The following SH3PXD2B variants were observed in gnomAD, a reference collection of about 807,000 sequenced individuals.
SH3PXD2B encodes SH3 and PX domain-containing protein 2B.
A neutral mutation model predicts 73.1 loss-of-function variants in SH3PXD2B; 37 were observed. The ratio of observed to expected loss-of-function variants is 0.51; its 90% CI spans 0.39 to 0.67. SH3PXD2B has a LOEUF of 0.67. Among genes scored for constraint, SH3PXD2B ranks in the 30% least tolerant of loss-of-function variants. SH3PXD2B has a pLI of 0.00. For missense variants in SH3PXD2B, 1,053 were observed against 1,197.8 expected (o/e 0.88, Z 1.78); for synonymous variants, 457 against 480.5 (o/e 0.95, Z 0.64).
intron 2 of SH3PXD2B, among the ~76,000 whole-genome samples, chr5:172,418,883 G>C (rs779796856): frequency 1.3e-5 from 2 of 152,106 alleles, no homozygotes; most frequent in South Asian, 4.2e-4. Flanking sequence ...AAGTTGAGTC[G>C]GAACAGGAGA....
rs1165437532 is a variant in SH3PXD2B, at chr5:172,398,280, TC to T, written c.233-3642del. On this transcript the variant is annotated intron_variant, in intron 3 of 12. Transcript: ENST00000311601. ...TTATTGATCTTAAAGATTGTTTTTT[TC>T]ATATTCCTTTACATAAATTGGATTG... Among the ~76,000 whole-genome samples the T allele has an allele frequency of 7.2e-5, 11 of 152,386 alleles. No individual in the cohort carries two copies. In the East Asian group the frequency reaches 2.1e-3, roughly 29 times the overall value.
chr5:172,444,126 C>T (rs551871805), intron 1 of SH3PXD2B, among the ~76,000 whole-genome samples: 1 of 152,290 alleles, frequency 6.6e-6, no homozygotes, highest in South Asian at 2.1e-4. Context: ...GTGGGACCGT[C>T]GATCTTAATA....
downstream of SH3PXD2B, among the ~76,000 whole-genome samples, chr5:172,332,595 T>C (rs1471854742): frequency 8.0e-6 from 1 of 125,054 alleles, no homozygotes. Context: ...CAGATTAATA[T>C]ATTAATGACC....
chr5:172,348,414 A>G (rs1757042944), intron 10 of SH3PXD2B, among the ~76,000 whole-genome samples: 1 of 151,748 alleles, frequency 6.6e-6, no homozygotes, highest in South Asian at 2.1e-4. Flanking sequence ...ACTAGTAGTG[A>G]GCCGTTCTGG....
chr5:172,389,202 C>T (rs1447237217), intron 4 of SH3PXD2B, among the ~76,000 whole-genome samples: 1 of 151,638 alleles, frequency 6.6e-6, no homozygotes, highest in Non-Finnish European at 1.5e-5. Context: ...ATTACAGGTG[C>T]CGACCACCAC....
At chr5:172,359,387 C>CAAAAAAAAAAAAAAAAAAAAAAA (rs70982393) in intron 7 of SH3PXD2B, among the ~76,000 whole-genome samples, 2 of 84,080 alleles carry the variant, frequency 2.4e-5, no homozygotes, top group African/African-American at 9.6e-5. Context: ...ACCCCCATCT[C>CAAAAAAAAAAAAAAAAAAAAAAA]AAAAAAAAAA....
chr5:172,437,252 C>T (rs1340707047), intron 1 of SH3PXD2B, among the ~76,000 whole-genome samples: 2 of 152,170 alleles, frequency 1.3e-5, no homozygotes, highest in African/African-American at 4.8e-5. Flanking sequence ...TGCCACGCTT[C>T]GTGGAGACCC....
Position 172,335,125 on chromosome 5 carries a change from GGT to G in SH3PXD2B, c.*3242_*3243del, listed in dbSNP as rs1756656932. On this transcript the variant is annotated 3_prime_UTR_variant, in exon 13 of 13. Transcript: ENST00000311601. ...TGAGCAAAGGCCTCTTTTATCAAGAGGTGGTCTTAGACTCAGGGTTTTCCAAA... is the reference window on the plus strand; with the variant it reads ...TGAGCAAAGGCCTCTTTTATCAAGAGGGTCTTAGACTCAGGGTTTTCCAAA... 1 of 986,762 alleles carries G rather than the reference GGT, an allele frequency of 1.0e-6. No homozygotes were observed. The highest frequency in any genetic ancestry group is 1.2e-6 in the Non-Finnish European group (1 of 831,018). 61.1% of individuals were successfully genotyped at this position (986,762 alleles called of 1,614,324 possible).
At chr5:172,357,423 C>CA (rs1046224679) in intron 8 of SH3PXD2B, among the ~76,000 whole-genome samples, 2,407 of 127,766 alleles carry the variant, frequency 0.019, 54 homozygotes, top group African/African-American at 0.059. Context: ...GACTCTGTCT[C>CA]AAAAAAAAAA....
intron 1 of SH3PXD2B, among the ~76,000 whole-genome samples, chr5:172,446,737 G>C (rs915653514): frequency 2.4e-4 from 37 of 152,222 alleles, no homozygotes; most frequent in Non-Finnish European, 4.9e-4. Flanking sequence ...CTGGTGCCCT[G>C]TGACCTTAGG....
rs1756804256 is a variant in SH3PXD2B, at chr5:172,339,663, C to T, written c.1442G>A (p.Gly481Glu). The part of the protein sequence containing the change: ...PDAPHGVMDS[G>E]LPWSKDWKGS... ...CTTCCAGTCTTTAGACCATGGCAAC[C>T]CCGAGTCCATGACACCATGCGGTGC... The change falls in exon 13 of 13, where the codon GGG becomes GAG. Residue 481 changes from glycine (G) to glutamate (E), a missense_variant. Physicochemically the swap from Gly to Glu is moderately conservative, Grantham distance 98. Transcript: ENST00000311601. The surrounding 1 kb of genome is among the most constrained non-coding windows in gnomAD (Gnocchi z 6.1). 4.3e-6 allele frequency: 7 copies of T among 1,614,234 alleles called. No homozygotes were observed. Among genetic ancestry groups the T allele is most frequent in the Non-Finnish European group, 5.9e-6 (7 of 1,180,046 alleles).
chr5:172,328,671 T>A (rs1756491022), downstream of SH3PXD2B, among the ~76,000 whole-genome samples: 1 of 152,084 alleles, frequency 6.6e-6, no homozygotes, highest in Non-Finnish European at 1.5e-5. Context: ...TCATGGTGTC[T>A]CAAGCTTGAA....
At chr5:172,439,681 C>T (rs112300779) in intron 1 of SH3PXD2B, among the ~76,000 whole-genome samples, 29 of 92,134 alleles carry the variant, frequency 3.1e-4, no homozygotes, top group East Asian at 1.6e-3. Context: ...CGTGCGTGCG[C>T]GCACGCGCGC....
At position 172,433,615 on chromosome 5, in the gene SH3PXD2B, C is replaced by T. The variant is rs370720002; in HGVS notation, c.76-11119G>A. ...AGCCCCTGCCGGGTGCCAGCCCAGC[C>T]GATGGCACAGGGATGCCCAGAGTGG... On this transcript the variant is annotated intron_variant, in intron 1 of 12. Transcript: ENST00000311601. Among the ~76,000 whole-genome samples the T allele has an allele frequency of 4.5e-4, 69 of 152,240 alleles. No individual in the cohort carries two copies. The East Asian group carries it at 7.9e-3, about 17-fold the overall frequency.
chr5:172,390,661 A>G (rs773376535), intron 4 of SH3PXD2B, among the ~76,000 whole-genome samples: 21 of 152,208 alleles, frequency 1.4e-4, no homozygotes, highest in Non-Finnish European at 2.2e-4. Context: ...GTTGTTGGCT[A>G]TTATGAATTA....
chr5:172,348,711 T>TATCCTATCTATCTATCTATCTATC, intron 10 of SH3PXD2B, among the ~76,000 whole-genome samples: 1 of 37,006 alleles, frequency 2.7e-5, no homozygotes, highest in African/African-American at 5.9e-5. Flanking sequence ...ATCTATCTAT[T>TATCCTATCTATCTATCTATCTATC]TATTTATTTT....
intron 8 of SH3PXD2B, among the ~76,000 whole-genome samples, chr5:172,358,514 C>G (rs1202584936): frequency 6.6e-6 from 1 of 152,150 alleles, no homozygotes; most frequent in Non-Finnish European, 1.5e-5. Flanking sequence ...CTCCTGGGGT[C>G]CCATGAAAGG....
Position 172,338,459 on chromosome 5 carries a change from G to C in SH3PXD2B, c.2646C>G (p.Asn882Lys). The change falls in exon 13 of 13, where the codon AAC (asparagine) becomes AAG (lysine). Residue 882 changes from asparagine (N) to lysine (K), a missense_variant. Asn to Lys is a moderately conservative substitution (Grantham distance 94). Transcript: ENST00000311601. This position sits in a 1 kb window ranked among gnomAD's most constrained non-coding sequence, Gnocchi z 5.1. ...CCTGGCAGAACCACCAGCCACTGCTGTTCTTCTCCCGGACTTCAAACACTG... is the reference window on the plus strand; with the variant it reads ...CCTGGCAGAACCACCAGCCACTGCTCTTCTTCTCCCGGACTTCAAACACTG... ...EGTVFEVREK[N>K]SSGWWFCQVL... The C allele has an allele frequency of 6.2e-7, 1 of 1,614,200 alleles. No homozygotes were observed. Among genetic ancestry groups the C allele is most frequent in the Non-Finnish European group, 8.5e-7 (1 of 1,180,040 alleles).
intron 12 of SH3PXD2B, among the ~76,000 whole-genome samples, chr5:172,325,684 C>T (rs1321785614): frequency 6.6e-6 from 1 of 152,184 alleles, no homozygotes; most frequent in South Asian, 2.1e-4. Context: ...CTGTCAAGCC[C>T]CTTTACGAGG....
Sources: gnomAD v4.1 joint callset for allele counts (sites outside exome capture counted in the v4.1 genomes callset) on GRCh38, gnomAD v4.1.1 for gene constraint, Gnocchi (gnomAD v3.1) non-coding constraint, MANE v1.5 for transcripts, NCBI Gene and HGNC (gene_info 2026-07-23, HGNC 2026-07-21) for gene names.